Variants in PDS5A observed in about 807,000 individuals in gnomAD.
PDS5A encodes the protein PDS5 cohesin associated factor A, also known as sister chromatid cohesion protein PDS5 homolog A.
In PDS5A, 42 loss-of-function variants were observed where a neutral mutation model predicts 167.1. The observed-to-expected ratio is 0.25, with a 90% CI of 0.20 to 0.33. PDS5A has a LOEUF of 0.33. PDS5A is among the 10% of genes least tolerant of loss of function. The pLI, the probability that PDS5A is intolerant of heterozygous loss-of-function variation, is 1.00. For synonymous variants in PDS5A, 553 were observed against 554.6 expected, an observed-to-expected ratio of 1.00 and a Z score of 0.04; for missense variants, 1,033 against 1,605.9, an observed-to-expected ratio of 0.64 and a Z score of 6.10.
intron 2 of PDS5A, among the ~76,000 whole-genome samples, chr4:39,939,500 A>T (rs899067719): frequency 6.6e-6 from 1 of 151,800 alleles, no homozygotes; most frequent in African/African-American, 2.4e-5. Flanking sequence ...TTTTTTTTAA[A>T]TAGCTTTACT....
intron 17 of PDS5A, among the ~76,000 whole-genome samples, chr4:39,882,644 G>T (rs1721061121): frequency 6.6e-6 from 1 of 152,120 alleles, no homozygotes; most frequent in Non-Finnish European, 1.5e-5. Flanking sequence ...AAGTCTTATG[G>T]TCTACCTGAG....
intron 26 of PDS5A, among the ~76,000 whole-genome samples, chr4:39,850,102 C>T (rs971289077): frequency 2.6e-5 from 4 of 151,884 alleles, no homozygotes; most frequent in African/African-American, 9.7e-5. Context: ...GAAACCCCGT[C>T]TCTACTAAAA....
At chr4:39,943,536 C>T (rs527608526) in intron 2 of PDS5A, among the ~76,000 whole-genome samples, 2 of 150,450 alleles carry the variant, frequency 1.3e-5, no homozygotes, top group African/African-American at 2.4e-5. Flanking sequence ...GTAATCCCAG[C>T]ACTTTGGGAG....
At position 39,837,860 on chromosome 4, in the gene PDS5A, G is replaced by C; in HGVS notation, c.4006C>G (p.Gln1336Glu). 1 of 1,606,008 alleles carries C rather than the reference G, an allele frequency of 6.2e-7. No individual in the cohort carries two copies. Among genetic ancestry groups the C allele is most frequent in the Non-Finnish European group, 8.5e-7 (1 of 1,176,184 alleles). The change falls in exon 32 of 33, where the codon CAA becomes GAA. Residue 1336 changes from glutamine to glutamate, a missense_variant. Coordinates refer to ENST00000303538, the MANE Select transcript of PDS5A (RefSeq NM_001100399.2). ...AGGAAGAATGGCGTACATTACCTTT[G>C]TAAGTCAATTTGTCTTTCTGCTGGT... ...AAPAERQIDL[Q>E]R
intron 32 of PDS5A, among the ~76,000 whole-genome samples, chr4:39,836,191 C>G (rs1322629274): frequency 6.6e-6 from 1 of 152,112 alleles, no homozygotes; most frequent in African/African-American, 2.4e-5. Flanking sequence ...AAAAGGGAGG[C>G]AGAGGTTCAA....
intron 26 of PDS5A, among the ~76,000 whole-genome samples, chr4:39,854,624 C>T (rs1435059237): frequency 1.3e-5 from 2 of 152,116 alleles, no homozygotes; most frequent in Non-Finnish European, 2.9e-5. Context: ...TGTGCCTATT[C>T]TAGGTACTCC....
At chr4:39,930,496 G>A (rs562509323) in intron 2 of PDS5A, among the ~76,000 whole-genome samples, 7 of 151,904 alleles carry the variant, frequency 4.6e-5, no homozygotes, top group Non-Finnish European at 8.8e-5. Context: ...ATTCAAGTTT[G>A]CATTCTAATT....
At chr4:39,913,792 AC>A in intron 8 of PDS5A, 66 bp from the exon 9 acceptor site, 2 of 865,218 alleles carry the variant, frequency 2.3e-6, no homozygotes, top group Non-Finnish European at 4.0e-6. Flanking sequence ...ATATCTTGAA[AC>A]ATTCTCAAGA....
intron 32 of PDS5A, among the ~76,000 whole-genome samples, chr4:39,827,478 G>GA (rs993691230): frequency 2.8e-4 from 43 of 152,170 alleles, no homozygotes; most frequent in African/African-American, 9.4e-4. Context: ...CTTGGCTTCT[G>GA]AAAAATTTCA....
chr4:39,963,221 C>T (rs543132616), intron 2 of PDS5A, among the ~76,000 whole-genome samples: 2 of 151,464 alleles, frequency 1.3e-5, no homozygotes, highest in South Asian at 2.1e-4. Flanking sequence ...TTTGGGAGGC[C>T]GAGGCAGTTG....
chr4:39,972,391 G>A (rs755782942), intron 2 of PDS5A, among the ~76,000 whole-genome samples: 5 of 152,214 alleles, frequency 3.3e-5, no homozygotes, highest in South Asian at 2.1e-4. Context: ...ATAGTGGCAC[G>A]CACCTCTAAT....
At chr4:39,958,757 C>T (rs1729203248) in intron 2 of PDS5A, among the ~76,000 whole-genome samples, 1 of 151,880 alleles carries the variant, frequency 6.6e-6, no homozygotes, top group African/African-American at 2.4e-5. Flanking sequence ...TACAGGCGCA[C>T]ATCACCACCC....
At position 39,837,881 on chromosome 4, in the gene PDS5A, C is replaced by T. The variant is rs1409740072; in HGVS notation, c.3985G>A (p.Ala1329Thr). 2 of 1,610,926 alleles carry T rather than the reference C, an allele frequency of 1.2e-6. No homozygotes were observed. Among genetic ancestry groups the T allele is most frequent in the African/African-American group, 2.7e-5 (2 of 74,852 alleles). The change falls in exon 32 of 33, where the codon GCA becomes ACA. Residue 1329 changes from alanine (A) to threonine (T), a missense_variant. Around this residue, in one of 4 missense-constraint regions of PDS5A, gnomAD observed 233 missense variants for 264.0 expected, o/e 0.88. Coordinates refer to ENST00000303538, the MANE Select transcript of PDS5A (RefSeq NM_001100399.2). ...CTTTGTAAGTCAATTTGTCTTTCTG[C>T]TGGTGCTGCCTTTTTGGCTAAATCT... Reference protein sequence around the residue: ...LQDLAKKAAPAERQIDLQR With the variant: ...LQDLAKKAAPTERQIDLQR
chr4:39,943,166 A>ACG (rs1553906048), intron 2 of PDS5A, among the ~76,000 whole-genome samples: 8 of 143,842 alleles, frequency 5.6e-5, no homozygotes, highest in African/African-American at 1.3e-4. Context: ...ACACACACAC[A>ACG]CACGCACGCA....
chr4:39,829,984 A>AAAAAAAAG (rs1715704026), intron 32 of PDS5A, among the ~76,000 whole-genome samples: 1 of 125,344 alleles, frequency 8.0e-6, no homozygotes, highest in African/African-American at 3.0e-5. Flanking sequence ...AAAAAAAAAA[A>AAAAAAAAG]GAAATTTCCA....
chr4:39,927,619 A>C (rs969846779), intron 3 of PDS5A, among the ~76,000 whole-genome samples: 1 of 152,194 alleles, frequency 6.6e-6, no homozygotes, highest in African/African-American at 2.4e-5. Context: ...GAATATGTAA[A>C]TTCTGGTATG....
intron 5 of PDS5A, among the ~76,000 whole-genome samples, chr4:39,923,932 A>G (rs191320280): frequency 3.3e-5 from 5 of 152,300 alleles, no homozygotes; most frequent in Admixed American, 3.3e-4. Flanking sequence ...GAAAATCAAA[A>G]GTTTCATCTA....
chr4:39,919,774 A>G (rs998870874), intron 7 of PDS5A, among the ~76,000 whole-genome samples: 2 of 152,176 alleles, frequency 1.3e-5, no homozygotes, highest in African/African-American at 4.8e-5. Flanking sequence ...TTTTTTTAGG[A>G]AAAACAAACC....
chr4:39,937,414 TTTTTAA>T (rs1726728143), intron 2 of PDS5A, among the ~76,000 whole-genome samples: 1 of 152,158 alleles, frequency 6.6e-6, no homozygotes, highest in African/African-American at 2.4e-5. Flanking sequence ...TTAAAAATTT[TTTTTAA>T]TTTTATTTTT....
Sources: gnomAD v4.1 joint callset for allele counts (sites outside exome capture counted in the v4.1 genomes callset) on GRCh38, gnomAD v4.1.1 for gene constraint, gnomAD v4.1.1 regional missense constraint, MANE v1.5 for transcripts, NCBI Gene and HGNC (gene_info 2026-07-23, HGNC 2026-07-21) for gene names.